The following CNTNAP2 variants were observed in gnomAD, a reference collection of about 807,000 sequenced individuals.
CNTNAP2 encodes contactin-associated protein-like 2.
Under a neutral mutation model 155.2 loss-of-function variants are expected in CNTNAP2, and 98 were observed. The ratio of observed to expected loss-of-function variants is 0.63; its 90% CI spans 0.54 to 0.75. The LOEUF (loss-of-function observed/expected upper bound fraction) is 0.75. Among genes scored for constraint, CNTNAP2 ranks in the 30% least tolerant of loss-of-function variants. The pLI is 0.00. For missense variants in CNTNAP2, 1,727 were observed against 1,688.1 expected, an observed-to-expected ratio of 1.02 and a Z score of -0.40; for synonymous variants, 651 against 631.2, an observed-to-expected ratio of 1.03 and a Z score of -0.47.
chr7:148,209,698 C>G (rs1483401393), intron 18 of CNTNAP2, among the ~76,000 whole-genome samples: 1 of 152,210 alleles, frequency 6.6e-6, no homozygotes, highest in Non-Finnish European at 1.5e-5. Context: ...AATGCATTCA[C>G]CAAAATGCAG....
chr7:146,588,342 A>G (rs1798728158), intron 1 of CNTNAP2, among the ~76,000 whole-genome samples: 2 of 152,192 alleles, frequency 1.3e-5, no homozygotes. Flanking sequence ...TGGAAATTGT[A>G]ATTAATTCCA....
intron 1 of CNTNAP2, among the ~76,000 whole-genome samples, chr7:146,663,269 C>T (rs1199808717): frequency 5.9e-5 from 6 of 101,434 alleles, no homozygotes; most frequent in African/African-American, 2.5e-4. Flanking sequence ...AAGAGTGAAA[C>T]TCCATCTCAA....
intron 20 of CNTNAP2, among the ~76,000 whole-genome samples, chr7:148,236,556 C>T (rs1469354914): frequency 1.3e-5 from 2 of 152,172 alleles, no homozygotes; most frequent in Admixed American, 1.3e-4. Flanking sequence ...AAGAACTTTC[C>T]TTAAAGCTAC....
chr7:147,881,301 T>A (rs557561235), intron 13 of CNTNAP2, among the ~76,000 whole-genome samples: 2 of 152,270 alleles, frequency 1.3e-5, no homozygotes, highest in Admixed American at 1.3e-4. Context: ...GAACTGGAGT[T>A]CACAGGAGGG....
intron 19 of CNTNAP2, among the ~76,000 whole-genome samples, chr7:148,221,591 G>GA (rs896513297): frequency 7.2e-5 from 11 of 151,982 alleles, no homozygotes; most frequent in African/African-American, 9.6e-5. Context: ...TTTAAAGTTA[G>GA]AAAAAAAAGG....
At chr7:147,083,919 A>G (rs1484875826) in intron 4 of CNTNAP2, among the ~76,000 whole-genome samples, 5 of 139,966 alleles carry the variant, frequency 3.6e-5, no homozygotes, top group Non-Finnish European at 7.5e-5. Context: ...GCATATATAC[A>G]TATACACATG....
At chr7:148,175,463 T>C (rs755371133) in intron 18 of CNTNAP2, among the ~76,000 whole-genome samples, 20 of 152,174 alleles carry the variant, frequency 1.3e-4, no homozygotes, top group Non-Finnish European at 2.4e-4. Flanking sequence ...GAAAATTTTA[T>C]GTAATTATAT....
chr7:148,411,588 G>A (rs1182368449), intron 23 of CNTNAP2, among the ~76,000 whole-genome samples: 1 of 151,794 alleles, frequency 6.6e-6, no homozygotes, highest in Non-Finnish European at 1.5e-5. Context: ...ATAGTTTGTG[G>A]TTGGTTTGTC....
At chr7:148,019,454 GTGTTT>G (rs1256134226) in intron 15 of CNTNAP2, among the ~76,000 whole-genome samples, 1 of 151,812 alleles carries the variant, frequency 6.6e-6, no homozygotes, top group African/African-American at 2.4e-5. Flanking sequence ...TTTTGTGTTT[GTGTTT>G]TGTTTTGTTT....
intron 1 of CNTNAP2, among the ~76,000 whole-genome samples, chr7:146,590,382 G>A (rs997387852): frequency 3.3e-5 from 5 of 151,932 alleles, no homozygotes; most frequent in Non-Finnish European, 5.9e-5. Context: ...TTTATCTCCC[G>A]AAGTAGACTG....
intron 10 of CNTNAP2, among the ~76,000 whole-genome samples, chr7:147,423,236 C>T (rs959297239): frequency 6.6e-6 from 1 of 152,058 alleles, no homozygotes; most frequent in Admixed American, 6.6e-5. Flanking sequence ...TTGTGAAATA[C>T]CTGTAGTTGT....
At chr7:147,113,124 A>G (rs990694346) in intron 5 of CNTNAP2, among the ~76,000 whole-genome samples, 4 of 151,956 alleles carry the variant, frequency 2.6e-5, no homozygotes, top group East Asian at 1.9e-4. Flanking sequence ...GGGAGGGTGC[A>G]TGTGTCCAGA....
chr7:146,598,484 C>T, intron 1 of CNTNAP2, among the ~76,000 whole-genome samples: 1 of 152,074 alleles, frequency 6.6e-6, no homozygotes, highest in Non-Finnish European at 1.5e-5. Flanking sequence ...AGCTTTTGTG[C>T]TCACTACTCT....
intron 1 of CNTNAP2, among the ~76,000 whole-genome samples, chr7:146,142,738 T>C (rs543431911): frequency 6.6e-6 from 1 of 152,212 alleles, no homozygotes; most frequent in East Asian, 1.9e-4. Context: ...AATACATCTT[T>C]TGGTTTATGG....
At chr7:147,098,415 C>A (rs1394686973) in intron 4 of CNTNAP2, among the ~76,000 whole-genome samples, 2 of 151,656 alleles carry the variant, frequency 1.3e-5, no homozygotes, top group East Asian at 1.9e-4. Context: ...AGTCTTAATT[C>A]TCTTTTCACT....
chr7:146,146,748 C>T (rs924835153), intron 1 of CNTNAP2, among the ~76,000 whole-genome samples: 3 of 152,106 alleles, frequency 2.0e-5, no homozygotes, highest in African/African-American at 7.2e-5. Context: ...AATAGCTAAA[C>T]AATATATGAA....
chr7:148,269,522 C>G (rs954493069), intron 21 of CNTNAP2, among the ~76,000 whole-genome samples: 18 of 152,080 alleles, frequency 1.2e-4, no homozygotes, highest in African/African-American at 4.3e-4. Flanking sequence ...AAATGAGATC[C>G]CTGATTATGA....
At chr7:148,081,011 G>A (rs987121898) in intron 15 of CNTNAP2, among the ~76,000 whole-genome samples, 2 of 152,160 alleles carry the variant, frequency 1.3e-5, no homozygotes, top group African/African-American at 4.8e-5. Flanking sequence ...CATACAGATG[G>A]TATATCTTTA....
At chr7:146,925,832 G>T (rs770084679) in intron 3 of CNTNAP2, among the ~76,000 whole-genome samples, 2 of 151,996 alleles carry the variant, frequency 1.3e-5, no homozygotes, top group African/African-American at 2.4e-5. Flanking sequence ...CAAAATCAGG[G>T]CACATACAAA....
Sources: allele counts gnomAD v4.1 joint callset (sites outside exome capture counted in the v4.1 genomes callset), GRCh38; gene constraint gnomAD v4.1.1; transcripts MANE v1.5; gene names NCBI Gene and HGNC (gene_info 2026-07-23, HGNC 2026-07-21).